The following KDM4C variants were observed in gnomAD, a reference collection of about 807,000 sequenced individuals.
The protein encoded by KDM4C is lysine demethylase 4C, also known as lysine-specific demethylase 4C.
A neutral mutation model predicts 129.3 loss-of-function variants in KDM4C; 81 were observed. The observed-to-expected ratio is 0.63, with a 90% CI of 0.52 to 0.75. The LOEUF (loss-of-function observed/expected upper bound fraction) is 0.75. KDM4C is among the 30% of genes least tolerant of loss of function. KDM4C has a pLI of 0.00. For synonymous variants in KDM4C, 573 were observed against 456.1 expected, an observed-to-expected ratio of 1.26 and a Z score of -3.26; for missense variants, 1,457 against 1,304.0, an observed-to-expected ratio of 1.12 and a Z score of -1.81.
At position 7,169,155 on chromosome 9, in the gene KDM4C, C is replaced by G. The variant is rs1464196851; in HGVS notation, c.2902-643C>G. 2.0e-5 allele frequency among the ~76,000 whole-genome samples: 3 copies of G among 151,860 alleles called. No individual in the cohort carries two copies. In the South Asian group the frequency reaches 6.2e-4, roughly 31 times the overall value. On this transcript the variant is annotated intron_variant, in intron 20 of 21. Transcript: ENST00000381309. Reference sequence around the variant, plus strand: ...CTCTTAAAGAAATGAACCGTGCTGACAGACCCAACCCATTTTAATGCTGAA... The same window carrying G: ...CTCTTAAAGAAATGAACCGTGCTGAGAGACCCAACCCATTTTAATGCTGAA...
chr9:7,029,395 A>T (rs1450440786), intron 15 of KDM4C, among the ~76,000 whole-genome samples: 4 of 151,120 alleles, frequency 2.6e-5, no homozygotes, highest in Admixed American at 2.6e-4. Flanking sequence ...ATTATGAAGG[A>T]GGATGTTAGT....
chr9:6,771,944 C>T (rs1257729061), intron 1 of KDM4C, among the ~76,000 whole-genome samples: 1 of 152,136 alleles, frequency 6.6e-6, no homozygotes, highest in Non-Finnish European at 1.5e-5. Flanking sequence ...GAAGCCTCTC[C>T]CCATTCCAGC....
chr9:6,821,054 C>T (rs967470307), intron 4 of KDM4C, among the ~76,000 whole-genome samples: 12 of 152,276 alleles, frequency 7.9e-5, no homozygotes, highest in African/African-American at 2.9e-4. Flanking sequence ...ATGAACTCAT[C>T]CTTTTTTATG....
At chr9:6,845,559 A>G (rs977343627) in intron 4 of KDM4C, among the ~76,000 whole-genome samples, 1 of 152,288 alleles carries the variant, frequency 6.6e-6, no homozygotes, top group Middle Eastern at 3.4e-3. Flanking sequence ...TAGGAGGAAG[A>G]TACTATCACT....
chr9:7,132,420 G>A (rs980437605), intron 19 of KDM4C, among the ~76,000 whole-genome samples: 1 of 151,856 alleles, frequency 6.6e-6, no homozygotes, highest in Admixed American at 6.6e-5. Flanking sequence ...GAACTATCAG[G>A]AAATGTCTTT....
intron 4 of KDM4C, chr9:6,835,148 G>C (rs547547184): frequency 9.2e-6 from 9 of 975,496 alleles, no homozygotes; most frequent in South Asian, 6.4e-5. Context: ...GCGGCTTCCA[G>C]CTCCTCCCTG....
chr9:6,811,001 T>C (rs1332397116), intron 3 of KDM4C, among the ~76,000 whole-genome samples: 1 of 152,250 alleles, frequency 6.6e-6, no homozygotes, highest in Admixed American at 6.5e-5. Context: ...CAGTTTCATG[T>C]AGAAATTTAT....
At chr9:6,916,397 T>C (rs1820321669) in intron 8 of KDM4C, among the ~76,000 whole-genome samples, 1 of 152,042 alleles carries the variant, frequency 6.6e-6, no homozygotes, top group Non-Finnish European at 1.5e-5. Context: ...TCACAAGGGC[T>C]CAAATGATCC....
At chr9:6,956,934 C>G (rs371523057) in intron 8 of KDM4C, among the ~76,000 whole-genome samples, 1 of 152,152 alleles carries the variant, frequency 6.6e-6, no homozygotes, top group Non-Finnish European at 1.5e-5. Flanking sequence ...CATCCTCTGG[C>G]TTGGTTCTGT....
At chr9:7,119,644 A>T (rs1839286916) in intron 18 of KDM4C, among the ~76,000 whole-genome samples, 1 of 152,074 alleles carries the variant, frequency 6.6e-6, no homozygotes, top group Non-Finnish European at 1.5e-5. Context: ...AGAAAAAAAA[A>T]AAGAAAGAAA....
At chr9:6,938,729 A>G (rs1825272145) in intron 8 of KDM4C, among the ~76,000 whole-genome samples, 1 of 152,108 alleles carries the variant, frequency 6.6e-6, no homozygotes, top group African/African-American at 2.4e-5. Context: ...GTAACTTCAA[A>G]TGGTTTTTAC....
chr9:7,058,002 G>C (rs1831101526), intron 17 of KDM4C, among the ~76,000 whole-genome samples: 1 of 152,110 alleles, frequency 6.6e-6, no homozygotes, highest in Non-Finnish European at 1.5e-5. Context: ...AGCAGTTTGG[G>C]GCCTAGAGAA....
rs1378988340 is a variant in KDM4C at position 6,882,800 on chromosome 9, GTGTGT to G, written c.679+2740_679+2744del. Reference sequence around the variant, plus strand: ...TGTGTGTGTGTGTGTGTGTGTGTGTGTGTGTGCGCGTGTGCACGTGCACGCACATT... The same window carrying G: ...TGTGTGTGTGTGTGTGTGTGTGTGTGGCGCGTGTGCACGTGCACGCACATT... On this transcript the variant is annotated intron_variant, in intron 6 of 21. Transcript: ENST00000381309. Among the ~76,000 whole-genome samples the G allele has an allele frequency of 8.6e-5, 13 of 151,968 alleles. 1 individual carries two copies. In the South Asian group the frequency reaches 1.9e-3, roughly 22 times the overall value.
At chr9:6,821,821 G>A (rs1188025569) in intron 4 of KDM4C, among the ~76,000 whole-genome samples, 1 of 152,152 alleles carries the variant, frequency 6.6e-6, no homozygotes, top group African/African-American at 2.4e-5. Context: ...TTTTAGCAGA[G>A]ACCGTGATTC....
chr9:6,811,596 G>A (rs1831158422), intron 3 of KDM4C, among the ~76,000 whole-genome samples: 2 of 152,162 alleles, frequency 1.3e-5, no homozygotes, highest in South Asian at 2.1e-4. Flanking sequence ...AATTTATAAT[G>A]GTAGGTAATA....
chr9:7,135,660 A>G (rs10976061), intron 19 of KDM4C, among the ~76,000 whole-genome samples: 22,437 of 152,186 alleles, frequency 0.15, 1,894 homozygotes, highest in South Asian at 0.18. Context: ...GTAAACACAG[A>G]TGTAGGAGGA....
At chr9:7,105,374 G>T (rs746690150) in intron 18 of KDM4C, 8 of 460,914 alleles carry the variant, frequency 1.7e-5, no homozygotes, top group South Asian at 1.3e-4. Context: ...ATAAAACATG[G>T]TATCCCACCT....
chr9:7,162,816 A>G (rs1319290679), intron 19 of KDM4C, among the ~76,000 whole-genome samples: 1 of 152,108 alleles, frequency 6.6e-6, no homozygotes, highest in Non-Finnish European at 1.5e-5. Context: ...GTACAGCCTC[A>G]TGTATTTCCT....
chr9:6,891,269 G>T (rs1483473893), intron 7 of KDM4C, among the ~76,000 whole-genome samples: 2 of 152,114 alleles, frequency 1.3e-5, no homozygotes, highest in African/African-American at 4.8e-5. Context: ...ATGTCTGTTG[G>T]CTGATGAATA....
Sources: gnomAD v4.1 joint callset for allele counts (sites outside exome capture counted in the v4.1 genomes callset) on GRCh38, gnomAD v4.1.1 for gene constraint, MANE v1.5 for transcripts, NCBI Gene and HGNC (gene_info 2026-07-23, HGNC 2026-07-21) for gene names.